Variants in CELF2 observed in about 807,000 individuals in gnomAD.
CELF2 encodes CUGBP Elav-like family member 2, also known as CUG triplet repeat RNA-binding protein 2.
A neutral mutation model predicts 62.6 loss-of-function variants in CELF2; 8 were observed. The ratio of observed to expected loss-of-function variants is 0.13; its 90% CI spans 0.07 to 0.23. CELF2 has a LOEUF of 0.23. Ranked by LOEUF, CELF2 falls within the 10% of genes least tolerant of loss-of-function variation. The pLI, the probability that CELF2 is intolerant of heterozygous loss-of-function variation, is 1.00. For missense variants in CELF2, 333 were observed against 671.0 expected (o/e 0.50, Z 5.56); for synonymous variants, 258 against 250.0 (o/e 1.03, Z -0.30).
chr10:10,684,039 C>G, the CELF2 span, among the ~76,000 whole-genome samples: 1 of 152,124 alleles, frequency 6.6e-6, no homozygotes, highest in African/African-American at 2.4e-5. Context: ...CTTTCTGTAC[C>G]TTTAGTTATG....
At chr10:10,587,104 C>T in the CELF2 span, among the ~76,000 whole-genome samples, 17 of 152,228 alleles carry the variant, frequency 1.1e-4, no homozygotes, top group South Asian at 6.2e-4. Context: ...GTATCCGTGT[C>T]TTTAACCACT....
At chr10:10,570,311 T>C in the CELF2 span, among the ~76,000 whole-genome samples, 1 of 151,870 alleles carries the variant, frequency 6.6e-6, no homozygotes, top group African/African-American at 2.4e-5. Flanking sequence ...AGGCAAGGAA[T>C]GAATTGAGAT....
rs201478983 is a variant in CELF2, at chr10:10,986,296, A to AT, written c.89+66303dup. On this transcript the variant is annotated intron_variant, in intron 2 of 13. Coordinates refer to the CELF2 transcript ENST00000636488. Reference sequence around the variant, plus strand: ...AGGATAAATCAAAATACCAATAGAGATTTTTTCCCTCTAATATCTAAGAAA... The same window carrying AT: ...AGGATAAATCAAAATACCAATAGAGATTTTTTTCCCTCTAATATCTAAGAAA... Among the ~76,000 whole-genome samples, 897 of 152,274 alleles carry AT rather than the reference A, an allele frequency of 5.9e-3. 1 individual carries two copies. The highest frequency in any genetic ancestry group is 9.5e-3 in the Non-Finnish European group (647 of 68,010).
intron 5 of CELF2, among the ~76,000 whole-genome samples, chr10:11,263,999 A>C (rs1233123995): frequency 6.6e-6 from 1 of 152,198 alleles, no homozygotes; most frequent in East Asian, 1.9e-4. Flanking sequence ...TGAACACAGC[A>C]CACAATGCAG....
intron 2 of CELF2, among the ~76,000 whole-genome samples, chr10:11,169,508 C>T (rs539877668): frequency 6.6e-6 from 1 of 152,284 alleles, no homozygotes; most frequent in African/African-American, 2.4e-5. Context: ...AGGGCAATTT[C>T]TGGGAACTGT....
At chr10:11,119,597 A>C (rs1012901201) in intron 1 of CELF2, among the ~76,000 whole-genome samples, 5 of 152,242 alleles carry the variant, frequency 3.3e-5, no homozygotes, top group African/African-American at 1.2e-4. Context: ...TTTTACCAAC[A>C]AATTAACTAT....
the CELF2 span, among the ~76,000 whole-genome samples, chr10:10,617,799 GTA>G: frequency 6.6e-6 from 1 of 152,082 alleles, no homozygotes; most frequent in Admixed American, 6.5e-5. Context: ...CTGGAAGTAA[GTA>G]ACCATGCACC....
chr10:11,215,667 C>G (rs796622962), intron 2 of CELF2, among the ~76,000 whole-genome samples: 8 of 151,756 alleles, frequency 5.3e-5, no homozygotes, highest in African/African-American at 1.9e-4. Context: ...TATCCAGAAG[C>G]TAACGCCATA....
At chr10:10,566,238 G>A in the CELF2 span, among the ~76,000 whole-genome samples, 51 of 151,888 alleles carry the variant, frequency 3.4e-4, 1 homozygote, top group South Asian at 0.01. Flanking sequence ...CTCTAGATGG[G>A]ATCAAACTGA....
chr10:10,999,695 G>A (rs936078718), intron 2 of CELF2, among the ~76,000 whole-genome samples: 21 of 152,144 alleles, frequency 1.4e-4, no homozygotes, highest in Admixed American at 9.2e-4. Context: ...TTGCATTTCC[G>A]TCACGTGATC....
At chr10:10,980,484 G>A (rs533170849) in intron 2 of CELF2, among the ~76,000 whole-genome samples, 6 of 152,232 alleles carry the variant, frequency 3.9e-5, no homozygotes, top group East Asian at 1.9e-4. Context: ...CTTTCCACAT[G>A]CTGCTCAGCT....
At chr10:10,925,083 T>C (rs1046980197) in intron 2 of CELF2, 2 of 152,200 alleles carry the variant, frequency 1.3e-5, no homozygotes, top group African/African-American at 2.4e-5. Context: ...GCAAAGATAA[T>C]TCAGATCATC....
At chr10:11,086,675 A>G (rs1207512586) in intron 1 of CELF2, among the ~76,000 whole-genome samples, 2 of 150,424 alleles carry the variant, frequency 1.3e-5, no homozygotes, top group African/African-American at 4.9e-5. Flanking sequence ...CTCTCGAGGC[A>G]TTCAGCAAGT....
chr10:11,118,248 C>A (rs17149552), intron 1 of CELF2, among the ~76,000 whole-genome samples: 4,978 of 152,112 alleles, frequency 0.033, 110 homozygotes, highest in East Asian at 0.085. Context: ...CATCCTGGTT[C>A]TCGGTAGTCT....
the CELF2 span, among the ~76,000 whole-genome samples, chr10:10,777,046 C>A: frequency 7.9e-5 from 12 of 152,310 alleles, no homozygotes; most frequent in South Asian, 2.5e-3. Context: ...CATTCCCATG[C>A]GCTACCCGCC....
At chr10:11,248,570 G>A (rs1284774303) in intron 3 of CELF2, among the ~76,000 whole-genome samples, 1 of 152,064 alleles carries the variant, frequency 6.6e-6, no homozygotes, top group Non-Finnish European at 1.5e-5. Context: ...TTACTCATGA[G>A]GCCTAAGAAA....
intron 2 of CELF2, among the ~76,000 whole-genome samples, chr10:10,958,485 G>T (rs142087473): frequency 6.6e-6 from 1 of 152,330 alleles, no homozygotes; most frequent in Non-Finnish European, 1.5e-5. Context: ...GTGACAGAGG[G>T]CCTCTGAGTT....
chr10:11,278,866 G>A (rs377707511), intron 8 of CELF2, among the ~76,000 whole-genome samples: 9 of 152,212 alleles, frequency 5.9e-5, no homozygotes, highest in African/African-American at 1.7e-4. Context: ...GGGCAACTGA[G>A]GCTTAGAGAG....
At chr10:10,792,280 C>T in the CELF2 span, 4 of 396,972 alleles carry the variant, frequency 1.0e-5, no homozygotes, top group Non-Finnish European at 1.8e-5. Context: ...TTAGATCTGT[C>T]TTCAAGTGAA....
Sources: gnomAD v4.1 joint callset for allele counts (sites outside exome capture counted in the v4.1 genomes callset) on GRCh38, gnomAD v4.1.1 for gene constraint, MANE v1.5 for transcripts, NCBI Gene and HGNC (gene_info 2026-07-23, HGNC 2026-07-21) for gene names.